Variants in LRRC56 observed in about 807,000 individuals in gnomAD.
LRRC56 encodes the protein leucine-rich repeat-containing protein 56.
In LRRC56, 41 loss-of-function variants were observed where a neutral mutation model predicts 47.8. That is an observed-to-expected ratio of 0.86 (90% CI 0.67 to 1.11). The LOEUF (loss-of-function observed/expected upper bound fraction) is 1.11, where lower values mean the gene tolerates loss of function less well. Ranked by LOEUF, LRRC56 falls within the 50% of genes most tolerant of loss-of-function variation. The pLI, the probability that LRRC56 is intolerant of heterozygous loss-of-function variation, is 0.00. For synonymous variants in LRRC56, 387 were observed against 311.2 expected (o/e 1.24, Z -2.56); for missense variants, 759 against 704.2 (o/e 1.08, Z -0.88).
At chr11:518,274 C>G in the LRRC56 span, among the ~76,000 whole-genome samples, 1 of 151,994 alleles carries the variant, frequency 6.6e-6, no homozygotes, top group Non-Finnish European at 1.5e-5. Flanking sequence ...CTCCGCCTCC[C>G]GGGTTCACGC....
the LRRC56 span, among the ~76,000 whole-genome samples, chr11:507,711 T>C: frequency 6.6e-6 from 1 of 152,212 alleles, no homozygotes; most frequent in African/African-American, 2.4e-5. Flanking sequence ...CGGCTCCGCA[T>C]GTCGGGGTCG....
In LRRC56 at chr11:541,767, G is replaced by T; in HGVS notation, c.265+143G>T. The T allele has an allele frequency of 1.8e-6, 1 of 550,682 alleles. No individual in the cohort carries two copies. Among genetic ancestry groups the T allele is most frequent in the Non-Finnish European group, 3.2e-6 (1 of 315,266 alleles). The allele number at this position is 550,682 out of a possible 1,614,324, so 34.1% of individuals were successfully genotyped here. A position where few individuals can be genotyped will look rare whatever the true frequency, so the allele number is the denominator to read the frequency against. ...TCCTTAGGGTTGGCCTCTGACCTGA[G>T]GTCTGTGTCAGGTACAGGCAGAGGG... On this transcript the variant is annotated intron_variant, in intron 5 of 13. Transcript: ENST00000270115. The surrounding 1 kb of genome is among the most constrained non-coding windows in gnomAD (Gnocchi z 4.1).
At chr11:525,773 G>A in the LRRC56 span, among the ~76,000 whole-genome samples, 5 of 152,010 alleles carry the variant, frequency 3.3e-5, no homozygotes, top group Non-Finnish European at 4.4e-5. Flanking sequence ...GCTGGTGCAC[G>A]CCTGTAGTCC....
Position 541,422 on chromosome 11 carries a change from G to A in LRRC56, c.178-115G>A. 1 of 538,548 alleles carries A rather than the reference G, an allele frequency of 1.9e-6. No individual in the cohort carries two copies. The highest frequency in any genetic ancestry group is 3.2e-6 in the Non-Finnish European group (1 of 313,600). 33.4% of individuals were successfully genotyped at this position (538,548 alleles called of 1,614,324 possible). A position where few individuals can be genotyped will look rare whatever the true frequency, so the allele number is the denominator to read the frequency against. ...GGCCAGGGCCAACATGGCCCAGGCA[G>A]GGAAACGTCGGTGCCTGCTCCAGCG... is the stretch of plus-strand genomic sequence containing the variant. On this transcript the variant is annotated intron_variant, in intron 4 of 13. Transcript: ENST00000270115. This position sits in a 1 kb window ranked among gnomAD's most constrained non-coding sequence, Gnocchi z 4.1.
the LRRC56 span, among the ~76,000 whole-genome samples, chr11:522,626 T>C: frequency 6.6e-6 from 1 of 151,988 alleles, no homozygotes; most frequent in African/African-American, 2.4e-5. Context: ...TCTCAACTCC[T>C]GAGCTCAAGC....
chr11:511,092 C>T, the LRRC56 span, among the ~76,000 whole-genome samples: 5 of 151,962 alleles, frequency 3.3e-5, no homozygotes, highest in East Asian at 3.9e-4. Context: ...GAGGCCGAGG[C>T]GGGCGGATCA....
chr11:551,767 C>A lies in LRRC56; in HGVS notation c.913C>A (p.Pro305Thr), dbSNP rs754898695. 6.8e-6 allele frequency: 11 copies of A among 1,610,622 alleles called. No individual in the cohort carries two copies. In the South Asian group the frequency reaches 1.1e-4, roughly 16 times the overall value. The change falls in exon 10 of 14, where the codon CCT becomes ACT. Residue 305 changes from proline (P) to threonine (T), a missense_variant. By Grantham distance (38) the Pro-to-Thr change is conservative (BLOSUM62 -1). Coordinates refer to ENST00000270115, the MANE Select transcript of LRRC56 (RefSeq NM_198075.4). The stretch of plus-strand genomic sequence containing the variant: ...CCTGCTGGTCCGTGGGGGCCCCCTG[C>A]CTGAAGGCCTGCTTTCTGAGGACCT... ...FSLLVRGGPL[P>T]EGLLSEDLAP...
chr11:510,427 C>T, the LRRC56 span, among the ~76,000 whole-genome samples: 1 of 151,834 alleles, frequency 6.6e-6, no homozygotes, highest in Non-Finnish European at 1.5e-5. Flanking sequence ...CATGGTGAAA[C>T]CCCATCTCTA....
At chr11:523,965 A>C in the LRRC56 span, among the ~76,000 whole-genome samples, 1 of 152,136 alleles carries the variant, frequency 6.6e-6, no homozygotes, top group African/African-American at 2.4e-5. Flanking sequence ...GAAAACTACA[A>C]GATCTGAAGA....
chr11:517,268 AC>A, the LRRC56 span, among the ~76,000 whole-genome samples: 1 of 149,090 alleles, frequency 6.7e-6, no homozygotes, highest in East Asian at 2.0e-4. Context: ...CCCGGCCGCC[AC>A]CCCGTCTGGG....
At chr11:516,664 C>G in the LRRC56 span, among the ~76,000 whole-genome samples, 1 of 151,942 alleles carries the variant, frequency 6.6e-6, no homozygotes, top group South Asian at 2.1e-4. Context: ...GACGGCCGGA[C>G]GTGGTGGCTC....
At position 552,384 on chromosome 11, in the gene LRRC56, T is replaced by C. The variant is rs940368630; in HGVS notation, c.1181+152T>C. The C allele has an allele frequency of 6.5e-6, 8 of 1,233,774 alleles. No individual in the cohort carries two copies. The Admixed American group carries it at 1.5e-4, about 22-fold the overall frequency. 76.4% of individuals were successfully genotyped at this position (1,233,774 alleles called of 1,614,324 possible). On this transcript the variant is annotated intron_variant, in intron 12 of 13. Transcript: ENST00000270115. ...TGGGGGGATCAGGGCTGGGGCTACC[T>C]TGGCTGAGTCATCGCTGGTCCCAAG...
rs777804958 is a variant in LRRC56 at position 540,764 on chromosome 11, G to C, written c.80G>C (p.Gly27Ala). ...CGGGTGCGGGAGCTGAGCTGGCAAGGCCTGCACAACCCCTGCCCACAGAGC... is the reference window on the plus strand; with the variant it reads ...CGGGTGCGGGAGCTGAGCTGGCAAGCCCTGCACAACCCCTGCCCACAGAGC... ...SVRVRELSWQ[G>A]LHNPCPQSKG... Residue 27 changes from glycine (G) to alanine (A), a missense_variant, in exon 4 of 14, where the codon GGC becomes GCC. Transcript: ENST00000270115. 6.2e-7 allele frequency: 1 copy of C among 1,610,982 alleles called. No individual in the cohort carries two copies. The highest frequency in any genetic ancestry group is 1.7e-5 in the Admixed American group (1 of 59,742).
the LRRC56 span, among the ~76,000 whole-genome samples, chr11:525,529 CAG>C: frequency 6.7e-6 from 1 of 149,662 alleles, no homozygotes. Context: ...ACAGAGGTGA[CAG>C]AGTGAGACCC....
At chr11:534,178 G>T, upstream of LRRC56, 2 of 1,540,026 alleles carry the variant, frequency 1.3e-6, no homozygotes, top group Non-Finnish European at 1.8e-6. Context: ...GCCCGCAGCA[G>T]CTGCTGGCAC....
In LRRC56 at chr11:541,435, G is replaced by C. The variant is rs1323557521; in HGVS notation, c.178-102G>C. The stretch of plus-strand genomic sequence containing the variant: ...ATGGCCCAGGCAGGGAAACGTCGGT[G>C]CCTGCTCCAGCGGGAGCCCCAGAGT... On this transcript the variant is annotated intron_variant, in intron 4 of 13. Transcript: ENST00000270115. This position sits in a 1 kb window ranked among gnomAD's most constrained non-coding sequence, Gnocchi z 4.1. 1 of 610,688 alleles carries C rather than the reference G, an allele frequency of 1.6e-6. No homozygotes were observed. Among genetic ancestry groups the C allele is most frequent in the African/African-American group, 1.9e-5 (1 of 52,312 alleles). The allele number at this position is 610,688 out of a possible 1,614,324, so 37.8% of individuals were successfully genotyped here.
chr11:552,950 G>C (rs779141075), intron 13 of LRRC56, among the ~76,000 whole-genome samples: 1 of 152,194 alleles, frequency 6.6e-6, no homozygotes, highest in Non-Finnish European at 1.5e-5. Flanking sequence ...CGGGCTGGAC[G>C]AAAGAGAGGC....
At chr11:510,103 C>CACCAGCCT in the LRRC56 span, among the ~76,000 whole-genome samples, 1 of 152,066 alleles carries the variant, frequency 6.6e-6, no homozygotes, top group East Asian at 1.9e-4. Flanking sequence ...CATCCAGCCC[C>CACCAGCCT]ACCAGCCTAC....
the LRRC56 span, among the ~76,000 whole-genome samples, chr11:523,555 C>A: frequency 6.6e-6 from 1 of 150,462 alleles, no homozygotes; most frequent in Non-Finnish European, 1.5e-5. Context: ...CGCTTGAACC[C>A]TGGAGGTGGA....
Sources: allele counts gnomAD v4.1 joint callset (sites outside exome capture counted in the v4.1 genomes callset), GRCh38; gene constraint gnomAD v4.1.1; non-coding constraint Gnocchi (gnomAD v3.1); transcripts MANE v1.5; gene names NCBI Gene and HGNC (gene_info 2026-07-23, HGNC 2026-07-21).